The following NTRK3 variants were observed in gnomAD, a reference collection of about 807,000 sequenced individuals.
The protein encoded by NTRK3 is NT-3 growth factor receptor.
In NTRK3, 24 loss-of-function variants were observed where a neutral mutation model predicts 91.7. That is an observed-to-expected ratio of 0.26 (90% CI 0.19 to 0.37). The LOEUF (loss-of-function observed/expected upper bound fraction) is 0.37. Among genes scored for constraint, NTRK3 ranks in the 10% least tolerant of loss-of-function variants. The probability of loss-of-function intolerance (pLI) is 1.00; values close to 1 mark genes in which losing one functional copy is unlikely to be tolerated. For synonymous variants in NTRK3, 483 were observed against 404.0 expected, an observed-to-expected ratio of 1.20 and a Z score of -2.34; for missense variants, 880 against 1,068.9, an observed-to-expected ratio of 0.82 and a Z score of 2.46.
At chr15:87,916,889 A>G (rs1196202655) in intron 17 of NTRK3, among the ~76,000 whole-genome samples, 4 of 151,878 alleles carry the variant, frequency 2.6e-5, no homozygotes, top group Non-Finnish European at 5.9e-5. Context: ...AGCCTCCCCA[A>G]GCATGTGGGA....
chr15:88,234,808 G>C lies in NTRK3; in HGVS notation c.248+21098C>G, dbSNP rs1381052732. Reference sequence around the variant, plus strand: ...AAAATCTAACCCCTTCCCACAGCCTGCATGACCCTGCTTGATCTAGTCCCT... The same window carrying C: ...AAAATCTAACCCCTTCCCACAGCCTCCATGACCCTGCTTGATCTAGTCCCT... On this transcript the variant is annotated intron_variant, in intron 3 of 18. Coordinates refer to ENST00000394480, the Ensembl canonical transcript of NTRK3. The surrounding 1 kb of genome is among the most constrained non-coding windows in gnomAD (Gnocchi z 6.1). Among the ~76,000 whole-genome samples the C allele has an allele frequency of 6.6e-6, 1 of 152,106 alleles. No individual in the cohort carries two copies. The highest frequency in any genetic ancestry group is 2.4e-5 in the African/African-American group (1 of 41,420).
chr15:88,103,740 G>A (rs531059329), intron 13 of NTRK3, among the ~76,000 whole-genome samples: 40 of 152,182 alleles, frequency 2.6e-4, no homozygotes, highest in Admixed American at 2.1e-3. Flanking sequence ...ACATGAAAGC[G>A]AGGGGTTAAG....
At chr15:87,876,516 T>C in exon 19 of NTRK3, 1 of 224,990 alleles carries the variant, frequency 4.4e-6, no homozygotes, top group Non-Finnish European at 8.8e-6. Flanking sequence ...CTCTGCATGG[T>C]CCAGGTCTTC....
chr15:88,137,425 G>A (rs761690006), exon 7 of NTRK3: 24 of 1,613,868 alleles, frequency 1.5e-5, no homozygotes, highest in East Asian at 6.7e-5. Flanking sequence ...ATGTTCATGC[G>A]GAAGAGAGGA....
rs2052524530 is a variant in NTRK3, at chr15:88,243,185, C to T, written c.248+12721G>A. On this transcript the variant is annotated intron_variant, in intron 3 of 18. Coordinates refer to ENST00000394480, the Ensembl canonical transcript of NTRK3. The surrounding 1 kb of genome is among the most constrained non-coding windows in gnomAD (Gnocchi z 4.8). ...GCCAAGAGAATAAAATTGCACCCCT[C>T]CTCCACGCCCTTGCCCCCTCCCCAC... Among the ~76,000 whole-genome samples, 1 of 152,208 alleles carries T rather than the reference C, an allele frequency of 6.6e-6. No homozygotes were observed. Among genetic ancestry groups the T allele is most frequent in the Admixed American group, 6.5e-5 (1 of 15,284 alleles).
At chr15:88,206,969 C>T (rs1262711481) in intron 3 of NTRK3, among the ~76,000 whole-genome samples, 1 of 152,194 alleles carries the variant, frequency 6.6e-6, no homozygotes, top group Non-Finnish European at 1.5e-5. Context: ...GACCCCCAGG[C>T]CCAGGCTTGG....
intron 17 of NTRK3, among the ~76,000 whole-genome samples, chr15:87,893,852 A>G (rs2065968307): frequency 6.6e-6 from 1 of 152,162 alleles, no homozygotes. Flanking sequence ...TATTTCTGGA[A>G]CCAATGGAGG....
chr15:88,156,675 C>G (rs866686514), intron 5 of NTRK3, among the ~76,000 whole-genome samples: 1 of 152,300 alleles, frequency 6.6e-6, no homozygotes, highest in South Asian at 2.1e-4. Flanking sequence ...TCTTCTTTCC[C>G]TCCGCTTTCT....
chr15:88,235,614 C>T lies in NTRK3; in HGVS notation c.248+20292G>A, dbSNP rs1321309843. On this transcript the variant is annotated intron_variant, in intron 3 of 18. Coordinates refer to ENST00000394480, the Ensembl canonical transcript of NTRK3. The surrounding 1 kb of genome is among the most constrained non-coding windows in gnomAD (Gnocchi z 5.2). Reference sequence around the variant, plus strand: ...AGAACCCCAAGGAAACGACCCAGCCCTGCTAAAGAGCACCAAATGCCCACC... The same window carrying T: ...AGAACCCCAAGGAAACGACCCAGCCTTGCTAAAGAGCACCAAATGCCCACC... 6.6e-6 allele frequency among the ~76,000 whole-genome samples: 1 copy of T among 152,208 alleles called. No homozygotes were observed. The highest frequency in any genetic ancestry group is 1.5e-5 in the Non-Finnish European group (1 of 68,042).
intron 3 of NTRK3, among the ~76,000 whole-genome samples, chr15:88,194,153 A>C (rs2047630476): frequency 1.3e-5 from 2 of 151,814 alleles, no homozygotes; most frequent in Non-Finnish European, 2.9e-5. Context: ...CCTTGACTAC[A>C]CTCTCTCCTG....
intron 3 of NTRK3, among the ~76,000 whole-genome samples, chr15:88,228,976 A>G (rs1472188471): frequency 1.3e-5 from 2 of 151,684 alleles, no homozygotes; most frequent in African/African-American, 2.4e-5. Context: ...TGGTGTGCTC[A>G]CTCCTTACCC....
intron 3 of NTRK3, among the ~76,000 whole-genome samples, chr15:88,204,234 T>A (rs1479970737): frequency 2.6e-5 from 4 of 152,198 alleles, no homozygotes; most frequent in African/African-American, 9.7e-5. Flanking sequence ...TTGCTCTTAA[T>A]CCCAACAATC....
chr15:87,908,260 G>A (rs2066889256), intron 17 of NTRK3, among the ~76,000 whole-genome samples: 1 of 152,028 alleles, frequency 6.6e-6, no homozygotes, highest in African/African-American at 2.4e-5. Flanking sequence ...ATTATGGCCC[G>A]CCACCCCCCA....
intron 14 of NTRK3, among the ~76,000 whole-genome samples, chr15:88,020,219 CACAA>C (rs1338047315): frequency 6.6e-6 from 1 of 152,142 alleles, no homozygotes; most frequent in East Asian, 1.9e-4. Context: ...CAAACAAAAA[CACAA>C]ACAAAAGAAT....
At chr15:87,986,374 A>C (rs2074787074) in intron 14 of NTRK3, among the ~76,000 whole-genome samples, 1 of 152,256 alleles carries the variant, frequency 6.6e-6, no homozygotes, top group Non-Finnish European at 1.5e-5. Context: ...CTAAACAAAT[A>C]ATCCATTACT....
chr15:88,141,259 C>T (rs554856678), intron 6 of NTRK3, among the ~76,000 whole-genome samples: 2 of 152,264 alleles, frequency 1.3e-5, no homozygotes, highest in Middle Eastern at 3.4e-3. Context: ...AAAAATGAGA[C>T]GAACATAATA....
chr15:87,980,686 T>G (rs1034262642), intron 14 of NTRK3, among the ~76,000 whole-genome samples: 2 of 152,148 alleles, frequency 1.3e-5, no homozygotes, highest in Non-Finnish European at 2.9e-5. Flanking sequence ...TTGATTGCAT[T>G]GAGACTTTCC....
chr15:88,138,337 G>T (rs2042071428), intron 6 of NTRK3, among the ~76,000 whole-genome samples: 1 of 152,068 alleles, frequency 6.6e-6, no homozygotes, highest in African/African-American at 2.4e-5. Flanking sequence ...GTGAACCCAG[G>T]AGGCAGAGCT....
At chr15:87,876,768 T>C (rs79189022) in exon 19 of NTRK3, 3 of 649,940 alleles carry the variant, frequency 4.6e-6, no homozygotes, top group South Asian at 3.7e-5. Context: ...GGTTTTTTTT[T>C]CTTTCTTTTT....
Sources: allele counts gnomAD v4.1 joint callset (sites outside exome capture counted in the v4.1 genomes callset), GRCh38; gene constraint gnomAD v4.1.1; non-coding constraint Gnocchi (gnomAD v3.1); transcripts MANE v1.5; gene names NCBI Gene and HGNC (gene_info 2026-07-23, HGNC 2026-07-21).